VWA1: variants seen among roughly 807,000 people sequenced by gnomAD.
VWA1 encodes von Willebrand factor A domain containing 1.
A neutral mutation model predicts 14.9 loss-of-function variants in VWA1; 12 were observed. The ratio of observed to expected loss-of-function variants is 0.80; its 90% CI spans 0.52 to 1.30. The LOEUF is 1.30. Ranked by LOEUF, VWA1 falls within the 50% of genes most tolerant of loss-of-function variation. VWA1 has a pLI of 0.00. For synonymous variants in VWA1, 368 were observed against 310.7 expected, an observed-to-expected ratio of 1.18 and a Z score of -1.94; for missense variants, 800 against 649.1, an observed-to-expected ratio of 1.23 and a Z score of -2.53.
intron 1 of VWA1, among the ~76,000 whole-genome samples, chr1:1,436,386 GC>G (rs869086476): frequency 8.2e-6 from 1 of 122,312 alleles, no homozygotes; most frequent in Non-Finnish European, 1.5e-5. Flanking sequence ...GAGGATGGAG[GC>G]CAGGGGAGGG....
In VWA1 at chr1:1,436,803, C is replaced by G. The variant is rs1197307668; in HGVS notation, c.74-124C>G. On this transcript the variant is annotated intron_variant, in intron 1 of 2. Transcript: ENST00000476993. ...GCTTAGAGTTCCTCTTTCCCCCAAC[C>G]TAGGACCTTTGGGAGAAGGCAAGCA... is the stretch of plus-strand genomic sequence containing the variant. 3 of 1,013,856 alleles carry G rather than the reference C, an allele frequency of 3.0e-6. No individual in the cohort carries two copies. The East Asian group carries it at 7.7e-5, about 26-fold the overall frequency. The allele number at this position is 1,013,856 out of a possible 1,614,324, so 62.8% of individuals were successfully genotyped here.
rs978397299 is a variant in VWA1 at position 1,440,157 on chromosome 1, G to C, written c.*370G>C. 1.2e-5 allele frequency: 2 copies of C among 167,954 alleles called. No homozygotes were observed. The highest frequency in any genetic ancestry group is 4.8e-5 in the African/African-American group (2 of 41,478). 10.4% of individuals were successfully genotyped at this position (167,954 alleles called of 1,614,324 possible). A position where few individuals can be genotyped will look rare whatever the true frequency, so the allele number is the denominator to read the frequency against. On this transcript the variant is annotated 3_prime_UTR_variant, in exon 3 of 3. Coordinates refer to ENST00000476993, the MANE Select transcript of VWA1 (RefSeq NM_022834.5). ...CAAGTGGCAAGGGCTGGCCTGGGGC[G>C]GGCAGCTTGGGTCCTGGACGTTGAT... is the stretch of plus-strand genomic sequence containing the variant.
At chr1:1,436,662 G>A (rs1032029792) in intron 1 of VWA1, 151 of 432,486 alleles carry the variant, frequency 3.5e-4, no homozygotes, top group Non-Finnish European at 3.8e-4. Flanking sequence ...GAATGGGAAG[G>A]TGTGGGGGCT....
In VWA1 at chr1:1,441,512, A is replaced by AGTAGGACCCATGGGCTGTGT. The variant is rs1553196917; in HGVS notation, c.*1728_*1747dup. Reference sequence around the variant, plus strand: ...CCCCAAGTCAGGCCACGGAGGCCTGAGTAGGACCCATGGGCTGTGTGTGTC... The same window carrying AGTAGGACCCATGGGCTGTGT: ...CCCCAAGTCAGGCCACGGAGGCCTGAGTAGGACCCATGGGCTGTGTGTAGGACCCATGGGCTGTGTGTGTC... On this transcript the variant is annotated 3_prime_UTR_variant, in exon 3 of 3. Transcript: ENST00000476993. 2.0e-5 allele frequency: 3 copies of AGTAGGACCCATGGGCTGTGT among 152,376 alleles called. No individual in the cohort carries two copies. The highest frequency in any genetic ancestry group is 1.3e-4 in the Admixed American group (2 of 15,286). 9.4% of individuals were successfully genotyped at this position (152,376 alleles called of 1,614,324 possible). A position where few individuals can be genotyped will look rare whatever the true frequency, so the allele number is the denominator to read the frequency against.
Position 1,441,359 on chromosome 1 carries a change from A to G in VWA1, c.*1572A>G, listed in dbSNP as rs1249628507. 1 of 152,278 alleles carries G rather than the reference A, an allele frequency of 6.6e-6. No homozygotes were observed. Among genetic ancestry groups the G allele is most frequent in the East Asian group, 1.9e-4 (1 of 5,194 alleles). The allele number at this position is 152,278 out of a possible 1,614,324, so 9.4% of individuals were successfully genotyped here. A position where few individuals can be genotyped will look rare whatever the true frequency, so the allele number is the denominator to read the frequency against. On this transcript the variant is annotated 3_prime_UTR_variant, in exon 3 of 3. Coordinates refer to ENST00000476993, the MANE Select transcript of VWA1 (RefSeq NM_022834.5). ...AGGGCCGGCTGGGGCCAGGCTCACCACGCAGAGTTTGCCCTCCGGTGTGAT... is the reference window on the plus strand; with the variant it reads ...AGGGCCGGCTGGGGCCAGGCTCACCGCGCAGAGTTTGCCCTCCGGTGTGAT...
chr1:1,438,432 G>C (rs1638590030), intron 2 of VWA1, among the ~76,000 whole-genome samples: 2 of 152,176 alleles, frequency 1.3e-5, no homozygotes, highest in South Asian at 4.1e-4. Flanking sequence ...GGGATGGGAA[G>C]AAAGTGGCCC....
At chr1:1,436,070 G>T (rs1049152052) in intron 1 of VWA1, among the ~76,000 whole-genome samples, 63 of 152,160 alleles carry the variant, frequency 4.1e-4, no homozygotes, top group Admixed American at 3.9e-3. Flanking sequence ...CGGGATCGCG[G>T]GCCTGGACAG....
chr1:1,436,651 G>C (rs1638550626), intron 1 of VWA1, among the ~76,000 whole-genome samples: 1 of 152,222 alleles, frequency 6.6e-6, no homozygotes, highest in South Asian at 2.1e-4. Context: ...GGGTCTGTGA[G>C]GAATGGGAAG....
In VWA1 at chr1:1,442,074, T is replaced by C. The variant is rs1017904331; in HGVS notation, c.*2287T>C. On this transcript the variant is annotated 3_prime_UTR_variant, in exon 3 of 3. Transcript: ENST00000476993. ...CTCGTCTGAGAAGTGCTGCCCCTTA[T>C]GTAGCCCCAGGCATTTTAAAATCTT... 1 of 152,340 alleles carries C rather than the reference T, an allele frequency of 6.6e-6. No individual in the cohort carries two copies. The highest frequency in any genetic ancestry group is 1.5e-5 in the Non-Finnish European group (1 of 68,126). 9.4% of individuals were successfully genotyped at this position (152,340 alleles called of 1,614,324 possible).
chr1:1,437,066 G>C lies in VWA1; in HGVS notation c.213G>C (p.Leu71=). 6.2e-7 allele frequency: 1 copy of C among 1,610,106 alleles called. No homozygotes were observed. The highest frequency in any genetic ancestry group is 8.5e-7 in the Non-Finnish European group (1 of 1,178,412). Residue 71 remains leucine (L), a synonymous_variant, in exon 2 of 3, where the codon CTG becomes CTC. Transcript: ENST00000476993. ...CACTGCCCCTGGGCACCGGGGCCCT[G>C]CGTGCCAGTCTGGTGCACGTGGGCA... The part of the protein sequence containing the change: ...VAPLPLGTGA[L]RASLVHVGSR...
In VWA1 at chr1:1,437,117, C is replaced by T. The variant is rs560253516; in HGVS notation, c.264C>T (p.Phe88=). The change falls in exon 2 of 3, where the codon TTC becomes TTT. Residue 88 remains phenylalanine, a synonymous_variant. Coordinates refer to ENST00000476993, the MANE Select transcript of VWA1 (RefSeq NM_022834.5). The part of the protein sequence containing the change: ...VGSRPYTEFP[F]GQHSSGEAAQ... ...GTCGGCCATACACCGAGTTCCCCTT[C>T]GGCCAGCACAGCTCGGGTGAGGCTG... The T allele has an allele frequency of 6.2e-5, 99 of 1,604,750 alleles. No individual in the cohort carries two copies. In the East Asian group the frequency reaches 1.9e-3, roughly 30 times the overall value.
chr1:1,436,833 C>T, intron 1 of VWA1, 94 bp from the exon 2 acceptor site: 2 of 1,340,164 alleles, frequency 1.5e-6, no homozygotes, highest in Non-Finnish European at 2.0e-6. Flanking sequence ...CAAGCATCCA[C>T]TTAAGGAAAG....
In VWA1 at chr1:1,441,270, C is replaced by T. The variant is rs1286507501; in HGVS notation, c.*1483C>T. On this transcript the variant is annotated 3_prime_UTR_variant, in exon 3 of 3. Coordinates refer to ENST00000476993, the MANE Select transcript of VWA1 (RefSeq NM_022834.5). ...TCCCAAGAACCCAGCTCTGTGCATC[C>T]CGTGGCCCCACCAGAAACCCAAGGC... 1 of 152,244 alleles carries T rather than the reference C, an allele frequency of 6.6e-6. No homozygotes were observed. Among genetic ancestry groups the T allele is most frequent in the Non-Finnish European group, 1.5e-5 (1 of 68,056 alleles). The allele number at this position is 152,244 out of a possible 1,614,324, so 9.4% of individuals were successfully genotyped here. A position where few individuals can be genotyped will look rare whatever the true frequency, so the allele number is the denominator to read the frequency against.
At position 1,435,815 on chromosome 1, in the gene VWA1, G is replaced by A; in HGVS notation, c.67G>A (p.Glu23Lys). The change falls in exon 1 of 3, where the codon GAG becomes AAG. Residue 23 changes from glutamate to lysine, a missense_variant. Coordinates refer to ENST00000476993, the MANE Select transcript of VWA1 (RefSeq NM_022834.5). Reference protein sequence around the residue: ...LRLALARSGAERGPPASAPRG... With the variant: ...LRLALARSGAKRGPPASAPRG... The stretch of plus-strand genomic sequence containing the variant: ...GCTGGCGCTGGCGCGGAGCGGCGCG[G>A]AGCGCGGTGAGTGCGGCGGGCGGCC... 8.5e-7 allele frequency: 1 copy of A among 1,176,242 alleles called. No homozygotes were observed. The highest frequency in any genetic ancestry group is 1.0e-6 in the Non-Finnish European group (1 of 953,928). The allele number at this position is 1,176,242 out of a possible 1,614,324, so 72.9% of individuals were successfully genotyped here.
chr1:1,438,963 G>T, intron 2 of VWA1, 118 bp from the exon 3 acceptor site: 1 of 1,426,702 alleles, frequency 7.0e-7, no homozygotes, highest in Non-Finnish European at 9.2e-7. Context: ...TTGGCCGCGG[G>T]GCCCCGTCTT....
Position 1,439,582 on chromosome 1 carries a change from G to C in VWA1, c.1133G>C (p.Arg378Pro). 2.3e-6 allele frequency: 3 copies of C among 1,306,612 alleles called. 1 individual carries two copies. Among genetic ancestry groups the C allele is most frequent in the Non-Finnish European group, 2.9e-6 (3 of 1,029,190 alleles). The allele number at this position is 1,306,612 out of a possible 1,614,324, so 80.9% of individuals were successfully genotyped here. ...CCGCTGCGGGGCGGGGAGGCGCAGC[G>C]GGTGGAGGTGCCCGCGGGCCGCAAC... is the stretch of plus-strand genomic sequence containing the variant. ...FGPLRGGEAQ[R>P]VEVPAGRNCT... The change falls in exon 3 of 3, where the codon CGG becomes CCG. Residue 378 changes from arginine (R) to proline (P), a missense_variant. Physicochemically the swap from Arg to Pro is moderately radical, Grantham distance 103. Coordinates refer to ENST00000476993, the MANE Select transcript of VWA1 (RefSeq NM_022834.5).
At chr1:1,438,195 C>T (rs1003024175) in intron 2 of VWA1, among the ~76,000 whole-genome samples, 10 of 152,140 alleles carry the variant, frequency 6.6e-5, no homozygotes, top group African/African-American at 1.7e-4. Context: ...CACCCAGAGC[C>T]GGAAGGGGTT....
At position 1,435,789 on chromosome 1, in the gene VWA1, G is replaced by GGCTGGC. The variant is rs1179692057; in HGVS notation, c.50_55dup (p.Leu17_Ala18dup). 5.8e-6 allele frequency: 7 copies of GGCTGGC among 1,211,898 alleles called. No homozygotes were observed. The highest frequency in any genetic ancestry group is 8.2e-5 in the Admixed American group (2 of 24,258). 75.1% of individuals were successfully genotyped at this position (1,211,898 alleles called of 1,614,324 possible). The stretch of plus-strand genomic sequence containing the variant: ...GCGCTCGGCCTGGCCCTGAGCTTGC[G>GGCTGGC]GCTGGCGCTGGCGCGGAGCGGCGCG... On this transcript the variant is annotated inframe_insertion, in exon 1 of 3. Transcript: ENST00000476993.
In VWA1 at chr1:1,435,840, C is replaced by T. The variant is rs1275833835; in HGVS notation, c.73+19C>T. ...GAGCGCGGTGAGTGCGGCGGGCGGCCGGGCCGGGGCTGGGGCTTCTGGTGA... is the reference window on the plus strand; with the variant it reads ...GAGCGCGGTGAGTGCGGCGGGCGGCTGGGCCGGGGCTGGGGCTTCTGGTGA... On this transcript the variant is annotated intron_variant, in intron 1 of 2. Coordinates refer to ENST00000476993, the MANE Select transcript of VWA1 (RefSeq NM_022834.5). 2.8e-6 allele frequency: 3 copies of T among 1,073,018 alleles called. No homozygotes were observed. The highest frequency in any genetic ancestry group is 4.2e-4 in the Middle Eastern group (1 of 2,394). 66.5% of individuals were successfully genotyped at this position (1,073,018 alleles called of 1,614,324 possible).
Sources: allele counts gnomAD v4.1 joint callset (sites outside exome capture counted in the v4.1 genomes callset), GRCh38; gene constraint gnomAD v4.1.1; transcripts MANE v1.5; gene names NCBI Gene and HGNC (gene_info 2026-07-23, HGNC 2026-07-21).